ARID1B: variants seen among roughly 807,000 people sequenced by gnomAD.
ARID1B encodes the protein AT-rich interactive domain-containing protein 1B.
Under a neutral mutation model 212.3 loss-of-function variants are expected in ARID1B, and 30 were observed. The observed-to-expected ratio is 0.14, with a 90% CI of 0.11 to 0.19. ARID1B has a LOEUF of 0.19. ARID1B is among the 10% of genes least tolerant of loss of function. The pLI, the probability that ARID1B is intolerant of heterozygous loss-of-function variation, is 1.00. For missense variants in ARID1B, 2,891 were observed against 3,204.0 expected (o/e 0.90, Z 2.36); for synonymous variants, 1,402 against 1,301.7 (o/e 1.08, Z -1.66).
chr6:157,014,595 C>T (rs1005319299), intron 4 of ARID1B, among the ~76,000 whole-genome samples: 1 of 152,084 alleles, frequency 6.6e-6, no homozygotes, highest in Non-Finnish European at 1.5e-5. Flanking sequence ...CAGTTTTTTT[C>T]ATCTCACCCA....
chr6:156,784,170 G>A lies in ARID1B; in HGVS notation c.1791+4699G>A, dbSNP rs958187033. ...GGTGGTTTTGGTTGCATGCCTTTTC[G>A]GAGGTGCCCTTTCCTGAATGGGAGG... On this transcript the variant is annotated intron_variant, in intron 1 of 19. Transcript: ENST00000636930. 4.0e-5 allele frequency among the ~76,000 whole-genome samples: 6 copies of A among 151,778 alleles called. No individual in the cohort carries two copies. The East Asian group carries it at 7.7e-4, about 20-fold the overall frequency.
chr6:156,990,323 C>G (rs892433040), intron 4 of ARID1B, among the ~76,000 whole-genome samples: 1 of 151,978 alleles, frequency 6.6e-6, no homozygotes, highest in Non-Finnish European at 1.5e-5. Flanking sequence ...CAGGCACACA[C>G]CACCACACCG....
intron 8 of ARID1B, among the ~76,000 whole-genome samples, chr6:157,161,431 G>GTGTGTGTGTGTGTGTGTATATATATA (rs540423195): frequency 1.1e-3 from 150 of 139,356 alleles, no homozygotes; most frequent in African/African-American, 4.1e-3. Context: ...TTGTGTGTGT[G>GTGTGTGTGTGTGTGTGTATATATATA]TATATATATA....
At chr6:156,781,337 G>A (rs1779252125) in intron 1 of ARID1B, among the ~76,000 whole-genome samples, 1 of 151,730 alleles carries the variant, frequency 6.6e-6, no homozygotes, top group Non-Finnish European at 1.5e-5. Context: ...TGTTTGAACT[G>A]CTTACACGAT....
intron 4 of ARID1B, among the ~76,000 whole-genome samples, chr6:157,038,992 G>C (rs12199237): frequency 0.31 from 47,596 of 151,416 alleles, 7,628 homozygotes; most frequent in African/African-American, 0.33. Context: ...CAGCCTCAAC[G>C]TCCCAGGCTC....
intron 4 of ARID1B, among the ~76,000 whole-genome samples, chr6:157,059,543 G>A (rs538249255): frequency 2.6e-5 from 4 of 152,266 alleles, no homozygotes; most frequent in South Asian, 4.1e-4. Flanking sequence ...TTACCAAAAG[G>A]TTTCTGAGAT....
rs2128634037 is a variant in ARID1B at position 157,148,673 on chromosome 6, C to T, written c.2811C>T (p.Tyr937=). The T allele has an allele frequency of 1.2e-6, 2 of 1,611,020 alleles. No individual in the cohort carries two copies. Among genetic ancestry groups the T allele is most frequent in the Non-Finnish European group, 8.5e-7 (1 of 1,178,114 alleles). ...PAYSGVPSAS[Y]SGPGPGMGIS... is the part of the protein sequence containing the mutation. ...ATAGTGGGGTGCCCAGTGCAAGCTA[C>T]AGCGGCCCAGGGCCCGGTATGGGTA... The change falls in exon 8 of 20, where the codon TAC becomes TAT. Residue 937 remains tyrosine, a synonymous_variant. Coordinates refer to ENST00000636930, the MANE Select transcript of ARID1B (RefSeq NM_001374828.1). This position sits in a 1 kb window ranked among gnomAD's most constrained non-coding sequence, Gnocchi z 5.6.
intron 1 of ARID1B, among the ~76,000 whole-genome samples, chr6:156,816,649 G>A (rs775989464): frequency 2.0e-5 from 3 of 152,188 alleles, no homozygotes; most frequent in Non-Finnish European, 4.4e-5. Context: ...GGCTGGAAGT[G>A]CGTCTTCCGT....
At chr6:157,198,453 G>GT (rs771118910) in intron 16 of ARID1B, 1 of 227,880 alleles carries the variant, frequency 4.4e-6, no homozygotes, top group Non-Finnish European at 8.7e-6. Flanking sequence ...TCACAGCACT[G>GT]TACGACACTT....
chr6:156,847,739 CT>C (rs1337757877), intron 2 of ARID1B, among the ~76,000 whole-genome samples: 1 of 152,044 alleles, frequency 6.6e-6, no homozygotes, highest in Non-Finnish European at 1.5e-5. Context: ...TATCCTTTGC[CT>C]TTAGGAGAGA....
In ARID1B at chr6:157,184,442, G is replaced by C; in HGVS notation, c.3919+7G>C. 1 of 1,613,864 alleles carries C rather than the reference G, an allele frequency of 6.2e-7. No individual in the cohort carries two copies. The highest frequency in any genetic ancestry group is 8.5e-7 in the Non-Finnish European group (1 of 1,179,990). ...CTCCAGCCGCCATCTCCTGGTAAGTGGCGGCGCTGCAGTCACTGGCCCAGG... is the reference window on the plus strand; with the variant it reads ...CTCCAGCCGCCATCTCCTGGTAAGTCGCGGCGCTGCAGTCACTGGCCCAGG... On this transcript the variant is annotated splice_region_variant and intron_variant, in intron 13 of 19. Transcript: ENST00000636930.
intron 2 of ARID1B, among the ~76,000 whole-genome samples, chr6:156,897,197 GCTGCTGCTGCTGCTGCTGCTGCTTCTT>G (rs1175219422): frequency 1.4e-5 from 1 of 70,492 alleles, no homozygotes; most frequent in Non-Finnish European, 3.2e-5. Flanking sequence ...TGCTACTGCT[GCTGCTGCTGCTGCTGCTGCTGCTTCTT>G]CTTCTTCTTC....
intron 13 of ARID1B, chr6:157,186,397 G>A (rs1054679540): frequency 2.1e-6 from 1 of 470,528 alleles, no homozygotes; most frequent in South Asian, 1.5e-5. Flanking sequence ...GGAGGCAGTG[G>A]AAGGAAAGCC....
chr6:156,838,743 A>T (rs1444731184), intron 2 of ARID1B, among the ~76,000 whole-genome samples: 1 of 151,354 alleles, frequency 6.6e-6, no homozygotes, highest in African/African-American at 2.4e-5. Flanking sequence ...AAACAAAAAA[A>T]ACCGCTCTAA....
intron 16 of ARID1B, 32 bp downstream of exon 16, chr6:157,196,347 T>C (rs1330930353): frequency 9.5e-6 from 15 of 1,578,644 alleles, no homozygotes; most frequent in African/African-American, 1.4e-5. Context: ...AATATGATGA[T>C]TTACTAGAAA....
At chr6:156,810,286 A>G (rs1220890256) in intron 1 of ARID1B, among the ~76,000 whole-genome samples, 1 of 152,182 alleles carries the variant, frequency 6.6e-6, no homozygotes, top group Non-Finnish European at 1.5e-5. Flanking sequence ...GATTCCATCT[A>G]CAGATATACG....
At chr6:157,039,820 C>CTT (rs1431366128) in intron 4 of ARID1B, among the ~76,000 whole-genome samples, 5 of 112,548 alleles carry the variant, frequency 4.4e-5, no homozygotes, top group Non-Finnish European at 8.5e-5. Context: ...CTTTCTTTTT[C>CTT]TCTCTTTCTC....
At chr6:156,994,721 T>TAA (rs1296960929) in intron 4 of ARID1B, among the ~76,000 whole-genome samples, 18 of 152,192 alleles carry the variant, frequency 1.2e-4, no homozygotes, top group Admixed American at 2.0e-4. Flanking sequence ...TGACATTTAG[T>TAA]AACCTGTCCA....
chr6:156,974,871 A>G (rs1233341588), intron 4 of ARID1B, among the ~76,000 whole-genome samples: 1 of 152,200 alleles, frequency 6.6e-6, no homozygotes, highest in Non-Finnish European at 1.5e-5. Flanking sequence ...GTTGTCATAC[A>G]TTCAGTATCT....
Sources: allele counts gnomAD v4.1 joint callset (sites outside exome capture counted in the v4.1 genomes callset), GRCh38; gene constraint gnomAD v4.1.1; non-coding constraint Gnocchi (gnomAD v3.1); transcripts MANE v1.5; gene names NCBI Gene and HGNC (gene_info 2026-07-23, HGNC 2026-07-21).